C2CD3: variants seen among roughly 807,000 people sequenced by gnomAD.
C2CD3 encodes C2 domain containing 3 centriole elongation regulator.
In C2CD3, 148 loss-of-function variants were observed where a neutral mutation model predicts 234.0. The ratio of observed to expected loss-of-function variants is 0.63; its 90% confidence interval spans 0.55 to 0.72. The LOEUF is 0.72. C2CD3 is among the 30% of genes least tolerant of loss of function. The pLI is 0.00. For synonymous variants in C2CD3, 1,000 were observed against 1,035.4 expected, an observed-to-expected ratio of 0.97 and a Z score of 0.66; for missense variants, 2,577 against 2,811.5, an observed-to-expected ratio of 0.92 and a Z score of 1.89.
At chr11:74,141,502 C>T (rs1334862114) in intron 3 of C2CD3, among the ~76,000 whole-genome samples, 1 of 152,170 alleles carries the variant, frequency 6.6e-6, no homozygotes, top group Non-Finnish European at 1.5e-5. Flanking sequence ...CTGGCCTTAA[C>T]AATGAACTGC....
At chr11:74,101,281 AC>A (rs1399527874) in intron 14 of C2CD3, among the ~76,000 whole-genome samples, 1 of 152,216 alleles carries the variant, frequency 6.6e-6, no homozygotes, top group African/African-American at 2.4e-5. Context: ...AGCCAAAAGC[AC>A]CTTTGTCAAA....
intron 26 of C2CD3, among the ~76,000 whole-genome samples, chr11:74,050,715 G>C (rs148669848): frequency 1.4e-5 from 2 of 147,164 alleles, no homozygotes; most frequent in East Asian, 3.9e-4. Flanking sequence ...ACATTTGTTT[G>C]GACAGCTTGC....
intron 29 of C2CD3, among the ~76,000 whole-genome samples, chr11:74,038,640 G>A (rs1952859367): frequency 6.6e-6 from 1 of 152,170 alleles, no homozygotes; most frequent in African/African-American, 2.4e-5. Flanking sequence ...CCCAGTTCAA[G>A]CAACTCCCTG....
At chr11:74,014,769 T>G (rs530297783) in intron 32 of C2CD3, among the ~76,000 whole-genome samples, 2 of 152,308 alleles carry the variant, frequency 1.3e-5, no homozygotes, top group East Asian at 3.9e-4. Context: ...GCATCCCTGA[T>G]CTACTGCCTG....
intron 11 of C2CD3, 96 bp downstream of exon 11, chr11:74,113,679 CAAAAA>C (rs548567656): frequency 1.6e-3 from 750 of 482,902 alleles, no homozygotes; most frequent in Middle Eastern, 3.5e-3. Flanking sequence ...GACTCCATGT[CAAAAA>C]AAAAAAAAAA....
Position 74,097,993 on chromosome 11 carries a change from C to A in C2CD3, c.2979+16G>T. ...AAATGAAATAATGACTTTTTGTAAACCATAGCGTTTATTACCATAGCAACA... is the reference window on the plus strand; with the variant it reads ...AAATGAAATAATGACTTTTTGTAAAACATAGCGTTTATTACCATAGCAACA... On this transcript the variant is annotated intron_variant, in intron 16 of 32. Coordinates refer to ENST00000334126, the MANE Select transcript of C2CD3 (RefSeq NM_001286577.2). 4 of 1,609,346 alleles carry A rather than the reference C, an allele frequency of 2.5e-6. No homozygotes were observed. The highest frequency in any genetic ancestry group is 3.4e-6 in the Non-Finnish European group (4 of 1,178,036).
intron 22 of C2CD3, among the ~76,000 whole-genome samples, chr11:74,082,697 C>A (rs921161131): frequency 5.3e-5 from 8 of 151,892 alleles, no homozygotes; most frequent in Non-Finnish European, 1.2e-4. Flanking sequence ...TGTCCCTCCC[C>A]CAAAGGGAAT....
At chr11:74,065,657 C>T (rs781740363) in intron 24 of C2CD3, among the ~76,000 whole-genome samples, 156 of 152,158 alleles carry the variant, frequency 1.0e-3, no homozygotes, top group Non-Finnish European at 1.6e-3. Context: ...AGACTTGGAA[C>T]CAACCCACAT....
At chr11:74,054,810 AT>A in intron 25 of C2CD3, 139 bp from the exon 26 acceptor site, 2 of 561,510 alleles carry the variant, frequency 3.6e-6, no homozygotes, top group Non-Finnish European at 6.2e-6. Flanking sequence ...TCTGGCATAT[AT>A]TTTTATCTTC....
intron 14 of C2CD3, among the ~76,000 whole-genome samples, chr11:74,102,403 T>TA (rs1956349943): frequency 6.6e-6 from 1 of 152,228 alleles, no homozygotes; most frequent in South Asian, 2.1e-4. Flanking sequence ...GGCAGTTAGA[T>TA]ACAGAAATCT....
chr11:74,163,636 G>T (rs111970369), intron 2 of C2CD3, among the ~76,000 whole-genome samples: 2,636 of 152,232 alleles, frequency 0.017, 77 homozygotes, highest in African/African-American at 0.061. Context: ...GGACGTGTTT[G>T]CTTCCCCTTC....
intron 28 of C2CD3, among the ~76,000 whole-genome samples, chr11:74,047,015 T>A (rs1953409654): frequency 1.3e-5 from 2 of 152,236 alleles, no homozygotes; most frequent in Non-Finnish European, 2.9e-5. Context: ...TACTATATTA[T>A]TTTCATCCTA....
chr11:74,135,429 G>A (rs117253906), intron 5 of C2CD3, among the ~76,000 whole-genome samples: 3 of 152,070 alleles, frequency 2.0e-5, no homozygotes, highest in Non-Finnish European at 4.4e-5. Context: ...CAGCTTGCCC[G>A]GACTTGCAGA....
In C2CD3 at chr11:74,170,848, A is replaced by C; in HGVS notation, c.-56T>G. 6.2e-7 allele frequency: 1 copy of C among 1,612,034 alleles called. No individual in the cohort carries two copies. The highest frequency in any genetic ancestry group is 8.5e-7 in the Non-Finnish European group (1 of 1,179,240). On this transcript the variant is annotated 5_prime_UTR_variant, in exon 1 of 33. Transcript: ENST00000334126. Reference sequence around the variant, plus strand: ...ACTCCGTCTCCAGCACCTAAGCAGTATCCTCCCGCCATCCCTCCCCACGGC... The same window carrying C: ...ACTCCGTCTCCAGCACCTAAGCAGTCTCCTCCCGCCATCCCTCCCCACGGC...
chr11:74,021,192 C>T lies in C2CD3; in HGVS notation c.6921+7095G>A, dbSNP rs575061498. Among the ~76,000 whole-genome samples, 103 of 151,960 alleles carry T rather than the reference C, an allele frequency of 6.8e-4. 1 individual carries two copies. Among genetic ancestry groups the T allele is most frequent in the African/African-American group, 2.4e-3 (100 of 41,426 alleles). ...TTGAGCCCAGGAGTTTGCAGTGAGC[C>T]GAGATCATGCCACTGCACTCCAGTC... On this transcript the variant is annotated intron_variant, in intron 32 of 32. Transcript: ENST00000334126.
At chr11:74,068,959 A>G (rs924433009) in intron 24 of C2CD3, among the ~76,000 whole-genome samples, 1 of 151,986 alleles carries the variant, frequency 6.6e-6, no homozygotes, top group African/African-American at 2.4e-5. Flanking sequence ...GCTTGCGCTC[A>G]GCTAATTTTT....
chr11:74,090,723 A>AT, intron 20 of C2CD3, 90 bp downstream of exon 20: 3 of 1,425,474 alleles, frequency 2.1e-6, no homozygotes, highest in Non-Finnish European at 2.9e-6. Flanking sequence ...ACTGGAAATT[A>AT]TACCTAAGAA....
intron 15 of C2CD3, among the ~76,000 whole-genome samples, chr11:74,100,122 T>C (rs1195723934): frequency 6.6e-6 from 1 of 152,184 alleles, no homozygotes; most frequent in Non-Finnish European, 1.5e-5. Context: ...AGGTGGTAAC[T>C]TTTGACAATA....
chr11:74,151,634 C>G (rs761669950), intron 3 of C2CD3, among the ~76,000 whole-genome samples: 1 of 151,818 alleles, frequency 6.6e-6, no homozygotes, highest in African/African-American at 2.4e-5. Context: ...GCAGACAACA[C>G]TCATTAAAGG....
Sources: allele counts gnomAD v4.1 joint callset (sites outside exome capture counted in the v4.1 genomes callset), GRCh38; gene constraint gnomAD v4.1.1; transcripts MANE v1.5; gene names NCBI Gene and HGNC (gene_info 2026-07-23, HGNC 2026-07-21).